The following PERP variants were observed in gnomAD, a reference collection of about 807,000 sequenced individuals.
PERP encodes p53 apoptosis effector related to PMP-22.
In PERP, 11 loss-of-function variants were observed where a neutral mutation model predicts 20.3. The ratio of observed to expected loss-of-function variants is 0.54; its 90% CI spans 0.34 to 0.90. The LOEUF (loss-of-function observed/expected upper bound fraction) is 0.90, where lower values mean the gene tolerates loss of function less well. Ranked by LOEUF, PERP falls within the 40% of genes least tolerant of loss-of-function variation. The probability of loss-of-function intolerance (pLI) is 0.02; values close to 1 mark genes in which losing one functional copy is unlikely to be tolerated. For synonymous variants in PERP, 101 were observed against 102.0 expected (o/e 0.99, Z 0.06); for missense variants, 224 against 249.4 (o/e 0.90, Z 0.69).
rs750903265 is a variant in PERP at position 138,092,051 on chromosome 6, T to C, written c.573A>G (p.Thr191=). 1.2e-6 allele frequency: 2 copies of C among 1,613,392 alleles called. No individual in the cohort carries two copies. Among genetic ancestry groups the C allele is most frequent in the Non-Finnish European group, 8.5e-7 (1 of 1,179,488 alleles). Residue 191 remains threonine, a synonymous_variant, in exon 3 of 3, where the codon ACA becomes ACG. Coordinates refer to ENST00000421351, the MANE Select transcript of PERP (RefSeq NM_022121.5). ...CACATTCATTCCCAAGTTAGGCAGA[T>C]GTGTAGAAGTACCTGGGCTTGGCAT... is the stretch of plus-strand genomic sequence containing the variant. ...LGNAKPRYFY[T]SA is the part of the protein sequence containing the mutation.
intron 1 of PERP, among the ~76,000 whole-genome samples, chr6:138,100,234 C>T (rs1290877169): frequency 1.3e-5 from 2 of 152,168 alleles, no homozygotes; most frequent in Non-Finnish European, 2.9e-5. Context: ...TTCTCGATGA[C>T]CTACATTTTG....
chr6:138,099,982 T>G (rs139405357), intron 1 of PERP, among the ~76,000 whole-genome samples: 2,076 of 152,312 alleles, frequency 0.014, 17 homozygotes, highest in Non-Finnish European at 0.018. Flanking sequence ...ATAGAACGTG[T>G]AAAACCTGCT....
At position 138,090,327 on chromosome 6, in the gene PERP, A is replaced by G; in HGVS notation, c.*1715T>C. ...AATGACATACACCATAGTGGAAGTA[A>G]CATATGACTTATGGTGGGAAAAAAA... On this transcript the variant is annotated 3_prime_UTR_variant, in exon 3 of 3. Transcript: ENST00000421351. The G allele has an allele frequency of 6.6e-6, 1 of 152,322 alleles. No homozygotes were observed. The highest frequency in any genetic ancestry group is 1.5e-5 in the Non-Finnish European group (1 of 68,052). The allele number at this position is 152,322 out of a possible 1,614,324, so 9.4% of individuals were successfully genotyped here. A position where few individuals can be genotyped will look rare whatever the true frequency, so the allele number is the denominator to read the frequency against.
At position 138,092,222 on chromosome 6, in the gene PERP, G is replaced by A; in HGVS notation, c.402C>T (p.Thr134=). The part of the protein sequence containing the change: ...ISLVIYPVKY[T]QTFTLHANPA... The stretch of plus-strand genomic sequence containing the variant: ...GGTTGGCATGAAGGGTGAAGGTCTG[G>A]GTGTACTTCACGGGGTAAATTACCA... Residue 134 remains threonine (T), a synonymous_variant, in exon 3 of 3, where the codon ACC becomes ACT. Transcript: ENST00000421351. The A allele has an allele frequency of 6.2e-7, 1 of 1,614,068 alleles. No homozygotes were observed. Among genetic ancestry groups the A allele is most frequent in the Non-Finnish European group, 8.5e-7 (1 of 1,179,954 alleles).
At chr6:138,105,851 T>G (rs1775832283) in intron 1 of PERP, among the ~76,000 whole-genome samples, 1 of 152,210 alleles carries the variant, frequency 6.6e-6, no homozygotes, top group South Asian at 2.1e-4. Context: ...CTGGAGATGA[T>G]ACAAACCTGA....
intron 1 of PERP, among the ~76,000 whole-genome samples, chr6:138,104,794 C>T (rs966932563): frequency 2.0e-5 from 3 of 152,290 alleles, no homozygotes; most frequent in East Asian, 1.9e-4. Context: ...TTTGTGCATA[C>T]GTGGGAGTGT....
intron 1 of PERP, among the ~76,000 whole-genome samples, chr6:138,103,054 G>T (rs1318625190): frequency 6.7e-6 from 1 of 150,214 alleles, no homozygotes; most frequent in South Asian, 2.1e-4. Flanking sequence ...AGCAGAGATT[G>T]TGCCACTGCA....
In PERP at chr6:138,090,413, A is replaced by G. The variant is rs1775559509; in HGVS notation, c.*1629T>C. The G allele has an allele frequency of 6.6e-6, 1 of 152,130 alleles. No homozygotes were observed. The highest frequency in any genetic ancestry group is 6.6e-5 in the Admixed American group (1 of 15,264). The allele number at this position is 152,130 out of a possible 1,614,324, so 9.4% of individuals were successfully genotyped here. On this transcript the variant is annotated 3_prime_UTR_variant, in exon 3 of 3. Transcript: ENST00000421351. ...AAAATAGAGAGACTGCTACCCCACCACCTGAATGGAAGGGGACCCCAGCAC... is the reference window on the plus strand; with the variant it reads ...AAAATAGAGAGACTGCTACCCCACCGCCTGAATGGAAGGGGACCCCAGCAC...
rs1284949577 is a variant in PERP, at chr6:138,089,282, A to AT, written c.*2759_*2760insA. On this transcript the variant is annotated 3_prime_UTR_variant, in exon 3 of 3. Transcript: ENST00000421351. ...TTCAGGGGGAGTTTACAGAAAAAAA[A>AT]AATAAACCGAATTAAGTTATGATGA... 2 of 151,734 alleles carry AT rather than the reference A, an allele frequency of 1.3e-5. No individual in the cohort carries two copies. Among genetic ancestry groups the AT allele is most frequent in the East Asian group, 1.9e-4 (1 of 5,186 alleles). The allele number at this position is 151,734 out of a possible 1,614,324, so 9.4% of individuals were successfully genotyped here.
chr6:138,090,354 T>A lies in PERP; in HGVS notation c.*1688A>T, dbSNP rs1775558192. 1.3e-5 allele frequency: 2 copies of A among 151,542 alleles called. No homozygotes were observed. The highest frequency in any genetic ancestry group is 4.2e-4 in the South Asian group (2 of 4,792). 9.4% of individuals were successfully genotyped at this position (151,542 alleles called of 1,614,324 possible). A position where few individuals can be genotyped will look rare whatever the true frequency, so the allele number is the denominator to read the frequency against. On this transcript the variant is annotated 3_prime_UTR_variant, in exon 3 of 3. Coordinates refer to ENST00000421351, the MANE Select transcript of PERP (RefSeq NM_022121.5). ...ATATGACTTATGGTGGGAAAAAAAA[T>A]AACAAATGATAAAATGGGAAGGAGG...
Position 138,105,261 on chromosome 6 carries a change from TC to T in PERP, c.214+1865del. Reference sequence around the variant, plus strand: ...TGCATCATAAACAGATTTTTCGAGATCCACTTAGAAAATCGAGCTTTTCCAA... The same window carrying T: ...TGCATCATAAACAGATTTTTCGAGATCACTTAGAAAATCGAGCTTTTCCAA... On this transcript the variant is annotated intron_variant, in intron 1 of 2. Coordinates refer to ENST00000421351, the MANE Select transcript of PERP (RefSeq NM_022121.5). 2.0e-5 allele frequency among the ~76,000 whole-genome samples: 3 copies of T among 152,348 alleles called. 1 individual carries two copies. The South Asian group carries it at 6.2e-4, about 32-fold the overall frequency.
intron 1 of PERP, among the ~76,000 whole-genome samples, chr6:138,097,459 T>C (rs1225705757): frequency 1.3e-5 from 2 of 151,968 alleles, no homozygotes; most frequent in African/African-American, 4.8e-5. Context: ...TTTTCCCAGG[T>C]TATTTTTTAT....
rs1775544762 is a variant in PERP, at chr6:138,089,473, A to G, written c.*2569T>C. ...TTTGTTACAATCAGCAGTAAGTGCCACTTAGCATGTCTGGCTACTTACAGA... is the reference window on the plus strand; with the variant it reads ...TTTGTTACAATCAGCAGTAAGTGCCGCTTAGCATGTCTGGCTACTTACAGA... On this transcript the variant is annotated 3_prime_UTR_variant, in exon 3 of 3. Coordinates refer to ENST00000421351, the MANE Select transcript of PERP (RefSeq NM_022121.5). 2.0e-5 allele frequency: 3 copies of G among 152,340 alleles called. No individual in the cohort carries two copies. The highest frequency in any genetic ancestry group is 2.0e-4 in the Admixed American group (3 of 15,300). The allele number at this position is 152,340 out of a possible 1,614,324, so 9.4% of individuals were successfully genotyped here.
At chr6:138,106,009 A>G (rs1484930089) in intron 1 of PERP, among the ~76,000 whole-genome samples, 2 of 152,212 alleles carry the variant, frequency 1.3e-5, no homozygotes, top group Non-Finnish European at 2.9e-5. Context: ...ATTACACAAA[A>G]GAAAGGGCAC....
At position 138,107,398 on chromosome 6, in the gene PERP, G is replaced by C; in HGVS notation, c.-58C>G. 2 of 1,366,084 alleles carry C rather than the reference G, an allele frequency of 1.5e-6. No homozygotes were observed. The highest frequency in any genetic ancestry group is 9.5e-7 in the Non-Finnish European group (1 of 1,050,856). The allele number at this position is 1,366,084 out of a possible 1,614,324, so 84.6% of individuals were successfully genotyped here. A position where few individuals can be genotyped will look rare whatever the true frequency, so the allele number is the denominator to read the frequency against. On this transcript the variant is annotated 5_prime_UTR_variant, in exon 1 of 3. Coordinates refer to ENST00000421351, the MANE Select transcript of PERP (RefSeq NM_022121.5). The surrounding 1 kb of genome is among the most constrained non-coding windows in gnomAD (Gnocchi z 4.8). ...AGCGGAGCGGGTCGGAGGAGCGCGC[G>C]GGACGGGCGACAGCAGAGAGTGGCC...
Position 138,091,924 on chromosome 6 carries a change from G to A in PERP, c.*118C>T. 1 of 752,130 alleles carries A rather than the reference G, an allele frequency of 1.3e-6. No homozygotes were observed. Among genetic ancestry groups the A allele is most frequent in the East Asian group, 2.7e-5 (1 of 36,534 alleles). 46.6% of individuals were successfully genotyped at this position (752,130 alleles called of 1,614,324 possible). On this transcript the variant is annotated 3_prime_UTR_variant, in exon 3 of 3. Coordinates refer to ENST00000421351, the MANE Select transcript of PERP (RefSeq NM_022121.5). ...TCTCCCAAATTATTTTAGCATTTTT[G>A]ACTAGTTTAATAATATGAACACTGC...
chr6:138,091,823 A>G lies in PERP; in HGVS notation c.*219T>C. ...AGGAAATATTGGCATAGTATAGGTA[A>G]TTAGTGAAAAGACACAACTTCACAA... On this transcript the variant is annotated 3_prime_UTR_variant, in exon 3 of 3. Coordinates refer to ENST00000421351, the MANE Select transcript of PERP (RefSeq NM_022121.5). 2 of 499,894 alleles carry G rather than the reference A, an allele frequency of 4.0e-6. No homozygotes were observed. The highest frequency in any genetic ancestry group is 7.1e-6 in the Non-Finnish European group (2 of 280,330). 31.0% of individuals were successfully genotyped at this position (499,894 alleles called of 1,614,324 possible).
intron 2 of PERP, among the ~76,000 whole-genome samples, chr6:138,094,427 T>G (rs921232538): frequency 6.6e-5 from 10 of 152,328 alleles, no homozygotes; most frequent in Non-Finnish European, 1.2e-4. Flanking sequence ...CTTAGCATAA[T>G]GTTTTCAAGG....
At chr6:138,104,706 A>C (rs1775818984) in intron 1 of PERP, among the ~76,000 whole-genome samples, 1 of 152,238 alleles carries the variant, frequency 6.6e-6, no homozygotes, top group Non-Finnish European at 1.5e-5. Context: ...GTGGATGTAC[A>C]CACTCAATTC....
Sources: allele counts gnomAD v4.1 joint callset (sites outside exome capture counted in the v4.1 genomes callset), GRCh38; gene constraint gnomAD v4.1.1; non-coding constraint Gnocchi (gnomAD v3.1); transcripts MANE v1.5; gene names NCBI Gene and HGNC (gene_info 2026-07-23, HGNC 2026-07-21).